Variants in TEAD1 observed in about 807,000 individuals in gnomAD.
TEAD1 encodes transcriptional enhancer factor TEF-1.
In TEAD1, 9 loss-of-function variants were observed where a neutral mutation model predicts 54.9. The ratio of observed to expected loss-of-function variants is 0.16; its 90% confidence interval spans 0.10 to 0.29. The LOEUF is 0.29. TEAD1 is among the 10% of genes least tolerant of loss of function. The pLI is 1.00. For missense variants in TEAD1, 387 were observed against 535.9 expected, an observed-to-expected ratio of 0.72 and a Z score of 2.74; for synonymous variants, 200 against 187.8, an observed-to-expected ratio of 1.07 and a Z score of -0.53.
intron 4 of TEAD1, among the ~76,000 whole-genome samples, chr11:12,864,038 A>G (rs992997680): frequency 5.3e-5 from 8 of 150,170 alleles, no homozygotes; most frequent in African/African-American, 2.0e-4. Context: ...TCAATACCCA[A>G]AAGAGTGGAA....
chr11:12,899,316 T>C (rs975643449), intron 9 of TEAD1, among the ~76,000 whole-genome samples: 16 of 149,496 alleles, frequency 1.1e-4, no homozygotes, highest in Non-Finnish European at 2.2e-4. Flanking sequence ...AACAATGCCT[T>C]TTGCCCTGTA....
intron 2 of TEAD1, among the ~76,000 whole-genome samples, chr11:12,676,607 T>C (rs1943097829): frequency 6.6e-6 from 1 of 152,184 alleles, no homozygotes; most frequent in African/African-American, 2.4e-5. Context: ...TTTTCCTCTT[T>C]AGAAGGAAAT....
At chr11:12,926,526 T>C (rs1194496105) in intron 11 of TEAD1, among the ~76,000 whole-genome samples, 1 of 152,066 alleles carries the variant, frequency 6.6e-6, no homozygotes, top group African/African-American at 2.4e-5. Flanking sequence ...CTGCCACTAA[T>C]AGAGATAAGG....
intron 3 of TEAD1, among the ~76,000 whole-genome samples, chr11:12,805,636 C>T (rs1946153557): frequency 1.3e-5 from 2 of 152,166 alleles, no homozygotes; most frequent in African/African-American, 4.8e-5. Context: ...GAGAGATAGA[C>T]ATAATAGTGA....
At chr11:12,757,248 C>T (rs1945002454) in intron 2 of TEAD1, among the ~76,000 whole-genome samples, 1 of 152,172 alleles carries the variant, frequency 6.6e-6, no homozygotes, top group South Asian at 2.1e-4. Flanking sequence ...GTCACCTCTT[C>T]GAATTTCTTC....
chr11:12,770,256 A>G (rs924963416), intron 3 of TEAD1, among the ~76,000 whole-genome samples: 2 of 152,198 alleles, frequency 1.3e-5, no homozygotes, highest in Non-Finnish European at 2.9e-5. Flanking sequence ...GCAAAAGTGT[A>G]TGCACAAGGT....
chr11:12,803,281 G>T (rs1430724497), intron 3 of TEAD1, among the ~76,000 whole-genome samples: 1 of 152,068 alleles, frequency 6.6e-6, no homozygotes, highest in African/African-American at 2.4e-5. Flanking sequence ...GTACATTCGA[G>T]GAAATTTTGC....
Position 12,784,453 on chromosome 11 carries a change from C to A in TEAD1, c.202+20019C>A, listed in dbSNP as rs528982225. Among the ~76,000 whole-genome samples the A allele has an allele frequency of 6.6e-5, 10 of 152,192 alleles. No homozygotes were observed. In the South Asian group the frequency reaches 2.1e-3, roughly 32 times the overall value. ...AGACCCTGGAAGTGGATAAGCTTGT[C>A]TAGGAGACAGAGGGAAAGGACAGAA... On this transcript the variant is annotated intron_variant, in intron 3 of 12. Coordinates refer to ENST00000527636, the MANE Select transcript of TEAD1 (RefSeq NM_021961.6).
chr11:12,822,869 A>G (rs187900842), intron 3 of TEAD1, among the ~76,000 whole-genome samples: 1 of 152,348 alleles, frequency 6.6e-6, no homozygotes, highest in East Asian at 1.9e-4. Flanking sequence ...TTCACAGCTT[A>G]TCAGGGTAAT....
At chr11:12,780,890 A>C (rs540492595) in intron 3 of TEAD1, among the ~76,000 whole-genome samples, 24 of 152,342 alleles carry the variant, frequency 1.6e-4, no homozygotes, top group Non-Finnish European at 3.2e-4. Context: ...CAGAATAGCC[A>C]AAACAATCTT....
intron 3 of TEAD1, among the ~76,000 whole-genome samples, chr11:12,859,449 T>G (rs1452264591): frequency 3.9e-5 from 6 of 152,210 alleles, no homozygotes; most frequent in African/African-American, 9.6e-5. Context: ...GATGCTTGGC[T>G]TGTCTGCAGA....
chr11:12,700,957 T>A (rs1470682458), intron 2 of TEAD1, among the ~76,000 whole-genome samples: 2 of 152,194 alleles, frequency 1.3e-5, no homozygotes, highest in Non-Finnish European at 2.9e-5. Context: ...GAGATTATTT[T>A]GGGAAAGACA....
chr11:12,924,593 A>G (rs192428051), intron 10 of TEAD1, among the ~76,000 whole-genome samples: 1 of 152,268 alleles, frequency 6.6e-6, no homozygotes, highest in East Asian at 1.9e-4. Flanking sequence ...GAATCCAATT[A>G]ATATCCTGCT....
intron 3 of TEAD1, among the ~76,000 whole-genome samples, chr11:12,843,068 A>T (rs980733820): frequency 1.3e-5 from 2 of 152,048 alleles, no homozygotes; most frequent in African/African-American, 4.8e-5. Context: ...CTAATTGTTT[A>T]TCTGGGAGGA....
Position 12,817,024 on chromosome 11 carries a change from A to G in TEAD1, c.203-45226A>G, listed in dbSNP as rs147605613. Among the ~76,000 whole-genome samples, 233 of 152,312 alleles carry G rather than the reference A, an allele frequency of 1.5e-3. 1 individual carries two copies. The highest frequency in any genetic ancestry group is 3.7e-3 in the African/African-American group (154 of 41,584). On this transcript the variant is annotated intron_variant, in intron 3 of 12. Transcript: ENST00000527636. ...AGGCGAGGTTTATGCACACTGCCCAATTGAAATGTGTCTCATGTTCACTCG... is the reference window on the plus strand; with the variant it reads ...AGGCGAGGTTTATGCACACTGCCCAGTTGAAATGTGTCTCATGTTCACTCG...
chr11:12,815,309 A>G (rs1349049631), intron 3 of TEAD1, among the ~76,000 whole-genome samples: 1 of 151,826 alleles, frequency 6.6e-6, no homozygotes, highest in Non-Finnish European at 1.5e-5. Flanking sequence ...CCAGATAGCT[A>G]GCCACTGCCC....
At chr11:12,810,228 C>G (rs1946272208) in intron 3 of TEAD1, among the ~76,000 whole-genome samples, 1 of 152,116 alleles carries the variant, frequency 6.6e-6, no homozygotes, top group Non-Finnish European at 1.5e-5. Context: ...ATCCGCCCAC[C>G]TCAACCTCCC....
At chr11:12,864,562 C>A (rs1947575348) in intron 4 of TEAD1, 1 of 751,234 alleles carries the variant, frequency 1.3e-6, no homozygotes, top group African/African-American at 1.8e-5. Context: ...ATAACCACCC[C>A]CCAACCCCAC....
intron 9 of TEAD1, among the ~76,000 whole-genome samples, chr11:12,891,040 C>G (rs1313245483): frequency 1.3e-5 from 2 of 152,206 alleles, no homozygotes; most frequent in Non-Finnish European, 2.9e-5. Context: ...GCTGGGATTA[C>G]AGATGTGAAC....
Sources: gnomAD v4.1 joint callset for allele counts (sites outside exome capture counted in the v4.1 genomes callset) on GRCh38, gnomAD v4.1.1 for gene constraint, MANE v1.5 for transcripts, NCBI Gene and HGNC (gene_info 2026-07-23, HGNC 2026-07-21) for gene names.